GRID2: variants seen among roughly 807,000 people sequenced by gnomAD.
GRID2 encodes the protein glutamate ionotropic receptor delta type subunit 2.
Under a neutral mutation model 114.8 loss-of-function variants are expected in GRID2, and 33 were observed. The observed-to-expected ratio is 0.29, with a 90% CI of 0.22 to 0.38. GRID2 has a LOEUF of 0.38. Ranked by LOEUF, GRID2 falls within the 10% of genes least tolerant of loss-of-function variation. The pLI is 1.00. For synonymous variants in GRID2, 505 were observed against 449.9 expected (o/e 1.12, Z -1.55); for missense variants, 1,184 against 1,257.7 (o/e 0.94, Z 0.89).
intron 2 of GRID2, among the ~76,000 whole-genome samples, chr4:93,071,464 GAAA>G (rs1359592251): frequency 1.3e-5 from 2 of 152,026 alleles, no homozygotes; most frequent in East Asian, 3.9e-4. Flanking sequence ...TAAAAATAGA[GAAA>G]TAGATATATA....
chr4:92,694,070 A>T (rs1354017480), intron 2 of GRID2, among the ~76,000 whole-genome samples: 1 of 152,204 alleles, frequency 6.6e-6, no homozygotes, highest in Non-Finnish European at 1.5e-5. Flanking sequence ...GAATACAAGC[A>T]TACAAAACAG....
intron 1 of GRID2, among the ~76,000 whole-genome samples, chr4:92,369,695 C>T (rs1291789334): frequency 6.6e-6 from 1 of 152,068 alleles, no homozygotes; most frequent in Non-Finnish European, 1.5e-5. Flanking sequence ...TGATGTTGTA[C>T]ATTTAGGATC....
chr4:92,411,649 G>GTA lies in GRID2; in HGVS notation c.88+106906_88+106907insAT, dbSNP rs1320090236. 1.3e-3 allele frequency among the ~76,000 whole-genome samples: 128 copies of GTA among 94,900 alleles called. 2 individuals carry two copies. The highest frequency in any genetic ancestry group is 5.7e-3 in the African/African-American group (110 of 19,332). 62.3% of individuals were successfully genotyped at this position (94,900 alleles called of 152,430 possible). A position where few individuals can be genotyped will look rare whatever the true frequency, so the allele number is the denominator to read the frequency against. ...CATGTGTGTGTGTGTGTGTGTGTGT[G>GTA]TGTGTGTATATATATATATATATAT... On this transcript the variant is annotated intron_variant, in intron 1 of 15. Coordinates refer to ENST00000282020, the MANE Select transcript of GRID2 (RefSeq NM_001510.4).
intron 2 of GRID2, among the ~76,000 whole-genome samples, chr4:92,868,166 T>C (rs1200938148): frequency 6.6e-6 from 1 of 151,988 alleles, no homozygotes; most frequent in African/African-American, 2.4e-5. Flanking sequence ...GTATTGCTAT[T>C]ACTCCATAAA....
rs546163066 is a variant in GRID2, at chr4:93,601,554, T to C, written c.2194-24715T>C. Among the ~76,000 whole-genome samples the C allele has an allele frequency of 1.4e-4, 22 of 152,326 alleles. No individual in the cohort carries two copies. The South Asian group carries it at 4.3e-3, about 30-fold the overall frequency. The stretch of plus-strand genomic sequence containing the variant: ...CTTGCTAGCTAGTAATTTCCAAAAG[T>C]TCAGCCATGAAAAAGATTAGTAATT... On this transcript the variant is annotated intron_variant, in intron 13 of 15. Coordinates refer to ENST00000282020, the MANE Select transcript of GRID2 (RefSeq NM_001510.4).
intron 1 of GRID2, among the ~76,000 whole-genome samples, chr4:92,576,447 C>T (rs1300621921): frequency 6.6e-6 from 1 of 152,208 alleles, no homozygotes; most frequent in South Asian, 2.1e-4. Flanking sequence ...TGGGTCTTAT[C>T]CTGTGAGATG....
At chr4:92,444,150 C>T (rs1733301369) in intron 1 of GRID2, among the ~76,000 whole-genome samples, 1 of 152,174 alleles carries the variant, frequency 6.6e-6, no homozygotes, top group Non-Finnish European at 1.5e-5. Context: ...AACAGGAGGA[C>T]AGGGGATTGA....
chr4:92,954,749 A>C, intron 2 of GRID2, among the ~76,000 whole-genome samples: 1 of 123,410 alleles, frequency 8.1e-6, no homozygotes, highest in South Asian at 3.1e-4. Context: ...ATATCTCCCA[A>C]TGCTATCCCT....
At chr4:92,799,691 G>A (rs990427269) in intron 2 of GRID2, among the ~76,000 whole-genome samples, 24 of 151,976 alleles carry the variant, frequency 1.6e-4, no homozygotes, top group Middle Eastern at 3.4e-3. Flanking sequence ...CTCTTTAAAG[G>A]GGTTACAAAT....
At chr4:93,029,836 G>T (rs1352239865) in intron 2 of GRID2, among the ~76,000 whole-genome samples, 1 of 152,098 alleles carries the variant, frequency 6.6e-6, no homozygotes, top group Non-Finnish European at 1.5e-5. Flanking sequence ...TCTCTCAAAA[G>T]AAAATGTTTA....
chr4:93,487,117 A>G (rs778994565), intron 11 of GRID2, among the ~76,000 whole-genome samples: 3 of 151,754 alleles, frequency 2.0e-5, no homozygotes, highest in Non-Finnish European at 4.4e-5. Context: ...TACATAAGTT[A>G]TCCTTCTATT....
intron 14 of GRID2, among the ~76,000 whole-genome samples, chr4:93,664,676 T>C (rs563666290): frequency 5.7e-4 from 87 of 152,280 alleles, no homozygotes; most frequent in Non-Finnish European, 1.1e-3. Flanking sequence ...GGGAGATCAA[T>C]TCTGGACGTG....
intron 1 of GRID2, among the ~76,000 whole-genome samples, chr4:92,377,691 A>G (rs555266690): frequency 6.6e-6 from 1 of 152,300 alleles, no homozygotes; most frequent in East Asian, 1.9e-4. Flanking sequence ...AGGCCTCACA[A>G]TTATGGTGGA....
At chr4:93,750,299 A>G (rs1227103712) in intron 14 of GRID2, among the ~76,000 whole-genome samples, 3 of 152,224 alleles carry the variant, frequency 2.0e-5, no homozygotes, top group Non-Finnish European at 2.9e-5. Context: ...CTGCTTTAGT[A>G]TCAGAATCCC....
intron 8 of GRID2, among the ~76,000 whole-genome samples, chr4:93,273,823 A>T (rs965337245): frequency 6.6e-6 from 1 of 152,166 alleles, no homozygotes; most frequent in African/African-American, 2.4e-5. Context: ...AACCTCAGAG[A>T]ACTGCAAGGA....
intron 13 of GRID2, among the ~76,000 whole-genome samples, chr4:93,520,008 G>T (rs1335938117): frequency 1.3e-5 from 2 of 152,068 alleles, no homozygotes; most frequent in South Asian, 2.1e-4. Context: ...CAAGGCAAAA[G>T]ATTAGTCATA....
At chr4:93,378,449 T>C (rs1020294243) in intron 8 of GRID2, among the ~76,000 whole-genome samples, 6 of 152,118 alleles carry the variant, frequency 3.9e-5, no homozygotes, top group Non-Finnish European at 7.4e-5. Context: ...GTAATTGTTA[T>C]TACAAGTTAA....
chr4:92,471,121 G>A (rs1285110028), intron 1 of GRID2, among the ~76,000 whole-genome samples: 1 of 151,972 alleles, frequency 6.6e-6, no homozygotes, highest in Non-Finnish European at 1.5e-5. Flanking sequence ...GTATATATGA[G>A]CATCATGTAA....
intron 2 of GRID2, among the ~76,000 whole-genome samples, chr4:92,876,557 G>T (rs967688769): frequency 6.6e-6 from 1 of 151,976 alleles, no homozygotes; most frequent in African/African-American, 2.4e-5. Flanking sequence ...CGCCCACCTC[G>T]GCCTCCCAAA....
Sources: gnomAD v4.1 joint callset for allele counts (sites outside exome capture counted in the v4.1 genomes callset) on GRCh38, gnomAD v4.1.1 for gene constraint, MANE v1.5 for transcripts, NCBI Gene and HGNC (gene_info 2026-07-23, HGNC 2026-07-21) for gene names.